SMCO2: variants seen among roughly 807,000 people sequenced by gnomAD.
SMCO2 encodes single-pass membrane and coiled-coil domain-containing protein 2.
Under a neutral mutation model 29.5 loss-of-function variants are expected in SMCO2, and 25 were observed. The ratio of observed to expected loss-of-function variants is 0.85; its 90% confidence interval spans 0.62 to 1.18. The LOEUF is 1.18. SMCO2 is among the 50% of genes most tolerant of loss of function. The pLI is 0.00. For missense variants in SMCO2, 348 were observed against 344.5 expected (o/e 1.01, Z -0.08); for synonymous variants, 117 against 123.3 (o/e 0.95, Z 0.34).
chr12:27,455,383 CA>C, the SMCO2 span, among the ~76,000 whole-genome samples: 1 of 152,138 alleles, frequency 6.6e-6, no homozygotes, highest in Non-Finnish European at 1.5e-5. Context: ...GGTGTCTTCA[CA>C]AAGATCTCTG....
At chr12:27,423,756 ACT>A in the SMCO2 span, 1 of 151,664 alleles carries the variant, frequency 6.6e-6, no homozygotes, top group Admixed American at 6.6e-5. Flanking sequence ...AGCCATTTAA[ACT>A]CTGTGCCTCA....
At chr12:27,460,304 A>G in the SMCO2 span, among the ~76,000 whole-genome samples, 1 of 152,204 alleles carries the variant, frequency 6.6e-6, no homozygotes, top group Non-Finnish European at 1.5e-5. Context: ...ACACACAGTC[A>G]AAAATCCAGG....
At chr12:27,484,674 A>T (rs1260092461) in intron 4 of SMCO2, among the ~76,000 whole-genome samples, 1 of 151,644 alleles carries the variant, frequency 6.6e-6, no homozygotes, top group Middle Eastern at 3.4e-3. Flanking sequence ...CCAACATGGT[A>T]AAACCCCATC....
At chr12:27,427,114 A>T in the SMCO2 span, among the ~76,000 whole-genome samples, 1 of 152,194 alleles carries the variant, frequency 6.6e-6, no homozygotes, top group African/African-American at 2.4e-5. Context: ...GGGATGTGCA[A>T]AGTGCTAATA....
chr12:27,429,279 C>G, the SMCO2 span, among the ~76,000 whole-genome samples: 2 of 151,680 alleles, frequency 1.3e-5, no homozygotes, highest in African/African-American at 4.8e-5. Context: ...ATAAAAATCA[C>G]CTAATAAAAA....
At chr12:27,460,981 C>T in the SMCO2 span, among the ~76,000 whole-genome samples, 1 of 152,206 alleles carries the variant, frequency 6.6e-6, no homozygotes, top group Non-Finnish European at 1.5e-5. Flanking sequence ...TCCTCACTAG[C>T]TCCCTTCTGC....
chr12:27,434,729 C>T, the SMCO2 span, among the ~76,000 whole-genome samples: 1 of 151,676 alleles, frequency 6.6e-6, no homozygotes, highest in East Asian at 1.9e-4. Context: ...GTAGCCATTC[C>T]CCAGCTATGG....
the SMCO2 span, among the ~76,000 whole-genome samples, chr12:27,439,741 C>T: frequency 6.6e-6 from 1 of 151,706 alleles, no homozygotes; most frequent in Non-Finnish European, 1.5e-5. Context: ...GCAAAATGAA[C>T]CAAGCAGAGG....
At chr12:27,482,662 G>A (rs437190) in intron 4 of SMCO2, among the ~76,000 whole-genome samples, 6,274 of 152,294 alleles carry the variant, frequency 0.041, 173 homozygotes, top group Non-Finnish European at 0.065. Context: ...TCCAGATACC[G>A]TTCTCTTACT....
chr12:27,429,337 C>G, the SMCO2 span, among the ~76,000 whole-genome samples: 3 of 151,934 alleles, frequency 2.0e-5, no homozygotes, highest in African/African-American at 7.2e-5. Context: ...AGTAGTCTTT[C>G]TCTTTTTTCA....
At chr12:27,450,714 G>A in the SMCO2 span, among the ~76,000 whole-genome samples, 16 of 152,318 alleles carry the variant, frequency 1.1e-4, no homozygotes, top group African/African-American at 3.8e-4. Flanking sequence ...TTTTTTCTAA[G>A]TATTCTTATA....
At chr12:27,482,606 A>G (rs1407658133) in intron 4 of SMCO2, among the ~76,000 whole-genome samples, 1 of 152,206 alleles carries the variant, frequency 6.6e-6, no homozygotes, top group Non-Finnish European at 1.5e-5. Flanking sequence ...CGGCCAACCC[A>G]TGGATTATTT....
the SMCO2 span, among the ~76,000 whole-genome samples, chr12:27,455,605 G>A: frequency 6.6e-6 from 1 of 152,044 alleles, no homozygotes; most frequent in East Asian, 1.9e-4. Flanking sequence ...CTACGTATAG[G>A]TATCTATCCC....
chr12:27,431,798 TTTTC>T, the SMCO2 span, among the ~76,000 whole-genome samples: 1 of 152,316 alleles, frequency 6.6e-6, no homozygotes, highest in African/African-American at 2.4e-5. Flanking sequence ...GATAATTCCA[TTTTC>T]TTTTTCTTTT....
At chr12:27,498,214 T>G (rs557254714) in intron 7 of SMCO2, 2 of 322,082 alleles carry the variant, frequency 6.2e-6, no homozygotes, top group African/African-American at 4.5e-5. Flanking sequence ...CTGCTTACTT[T>G]TTGTGTGGTT....
the SMCO2 span, among the ~76,000 whole-genome samples, chr12:27,441,815 A>G: frequency 1.3e-5 from 2 of 152,216 alleles, no homozygotes; most frequent in Non-Finnish European, 2.9e-5. Flanking sequence ...AGAATAGACC[A>G]TATCTTAGGT....
At chr12:27,452,891 A>G in the SMCO2 span, among the ~76,000 whole-genome samples, 5 of 152,312 alleles carry the variant, frequency 3.3e-5, no homozygotes, top group East Asian at 7.7e-4. Context: ...CATTTCTGAT[A>G]TCACATCACT....
At chr12:27,437,002 T>A in the SMCO2 span, among the ~76,000 whole-genome samples, 2 of 152,188 alleles carry the variant, frequency 1.3e-5, no homozygotes, top group Non-Finnish European at 2.9e-5. Context: ...AACCCCCTTA[T>A]GGGATGTGGT....
chr12:27,424,841 C>CT, the SMCO2 span: 1 of 152,194 alleles, frequency 6.6e-6, no homozygotes, highest in African/African-American at 2.4e-5. Context: ...CTTTCATTAG[C>CT]AGATCTTTTT....
Sources: gnomAD v4.1 joint callset for allele counts (sites outside exome capture counted in the v4.1 genomes callset) on GRCh38, gnomAD v4.1.1 for gene constraint, MANE v1.5 for transcripts, NCBI Gene and HGNC (gene_info 2026-07-23, HGNC 2026-07-21) for gene names.